The following SLC4A4 variants were observed in gnomAD, a reference collection of about 807,000 sequenced individuals.
SLC4A4 encodes solute carrier family 4 member 4, also known as electrogenic sodium bicarbonate cotransporter 1.
A neutral mutation model predicts 111.5 loss-of-function variants in SLC4A4; 27 were observed. The ratio of observed to expected loss-of-function variants is 0.24; its 90% CI spans 0.18 to 0.33. The LOEUF (loss-of-function observed/expected upper bound fraction) is 0.33. Ranked by LOEUF, SLC4A4 falls within the 10% of genes least tolerant of loss-of-function variation. The pLI, the probability that SLC4A4 is intolerant of heterozygous loss-of-function variation, is 1.00. For synonymous variants in SLC4A4, 443 were observed against 463.4 expected, an observed-to-expected ratio of 0.96 and a Z score of 0.57; for missense variants, 909 against 1,315.5, an observed-to-expected ratio of 0.69 and a Z score of 4.78.
intron 16 of SLC4A4, among the ~76,000 whole-genome samples, chr4:71,525,988 G>T (rs1291122942): frequency 6.6e-6 from 1 of 151,930 alleles, no homozygotes; most frequent in Non-Finnish European, 1.5e-5. Context: ...GGACTGAGAA[G>T]TCTTATTTAC....
At chr4:71,448,445 TC>T (rs1725455361) in intron 9 of SLC4A4, among the ~76,000 whole-genome samples, 1 of 152,156 alleles carries the variant, frequency 6.6e-6, no homozygotes. Context: ...AATGATGGGT[TC>T]TATAAAATAA....
intron 1 of SLC4A4, among the ~76,000 whole-genome samples, chr4:71,225,267 G>A (rs538833457): frequency 1.1e-3 from 165 of 151,994 alleles, no homozygotes; most frequent in African/African-American, 3.9e-3. Flanking sequence ...CAGGAGAATC[G>A]TTTGAACCCA....
At chr4:71,257,850 T>A (rs1241848935) in intron 3 of SLC4A4, among the ~76,000 whole-genome samples, 1 of 152,216 alleles carries the variant, frequency 6.6e-6, no homozygotes, top group Non-Finnish European at 1.5e-5. Flanking sequence ...TTTGATTCTT[T>A]CCTTGCTCTC....
chr4:71,320,507 T>C lies in SLC4A4; in HGVS notation c.254-18863T>C, dbSNP rs531909947. ...TAACTGAATCTCAGACACCCCACTT[T>C]GCTGAAGATTTTTCCTGCCCTTCTC... On this transcript the variant is annotated intron_variant, in intron 3 of 25. Transcript: ENST00000264485. 5.9e-5 allele frequency among the ~76,000 whole-genome samples: 9 copies of C among 152,160 alleles called. No individual in the cohort carries two copies. In the South Asian group the frequency reaches 1.7e-3, roughly 28 times the overall value.
At chr4:71,396,619 TG>T (rs1719841871) in intron 6 of SLC4A4, among the ~76,000 whole-genome samples, 1 of 152,200 alleles carries the variant, frequency 6.6e-6, no homozygotes, top group African/African-American at 2.4e-5. Context: ...TCAAACATCT[TG>T]GCTTTGAAAA....
intron 7 of SLC4A4, among the ~76,000 whole-genome samples, chr4:71,439,568 A>G (rs2149056187): frequency 6.7e-6 from 1 of 148,612 alleles, no homozygotes; most frequent in South Asian, 2.2e-4. Context: ...GATTTAACTG[A>G]TTCACTCTCC....
intron 2 of SLC4A4, among the ~76,000 whole-genome samples, chr4:71,104,874 G>A (rs1578483456): frequency 2.4e-5 from 1 of 42,262 alleles, no homozygotes; most frequent in Non-Finnish European, 5.1e-5. Flanking sequence ...AGACAGGGAT[G>A]CCCTCTCTCA....
At chr4:71,541,953 C>T (rs1735108022) in intron 18 of SLC4A4, among the ~76,000 whole-genome samples, 1 of 151,910 alleles carries the variant, frequency 6.6e-6, no homozygotes, top group South Asian at 2.1e-4. Flanking sequence ...ATTTTTATTC[C>T]ATTCAAATCT....
chr4:71,209,610 A>G (rs1030460911), intron 1 of SLC4A4, among the ~76,000 whole-genome samples: 2 of 152,170 alleles, frequency 1.3e-5, no homozygotes, highest in Admixed American at 6.5e-5. Flanking sequence ...GAGCATTTCA[A>G]TCTGTTAGTA....
Position 71,143,196 on chromosome 4 carries a change from G to T in SLC4A4, c.-2+50404G>T, listed in dbSNP as rs1291217797. On this transcript the variant is annotated intron_variant, in intron 2 of 26. Coordinates refer to the SLC4A4 transcript ENST00000649996. Reference sequence around the variant, plus strand: ...TCCCACCTATGAGTGAGAACATGCAGTGTTTGGTTTTTTGTCCTTGTGATA... The same window carrying T: ...TCCCACCTATGAGTGAGAACATGCATTGTTTGGTTTTTTGTCCTTGTGATA... Among the ~76,000 whole-genome samples the T allele has an allele frequency of 2.6e-5, 4 of 152,172 alleles. No homozygotes were observed. In the East Asian group the frequency reaches 7.7e-4, roughly 29 times the overall value.
chr4:71,425,015 G>A (rs569347604), intron 7 of SLC4A4, among the ~76,000 whole-genome samples: 1 of 151,938 alleles, frequency 6.6e-6, no homozygotes, highest in South Asian at 2.1e-4. Context: ...AGAATAAAAG[G>A]TAATAGCTGA....
intron 3 of SLC4A4, among the ~76,000 whole-genome samples, chr4:71,296,297 C>G (rs1724784060): frequency 6.6e-6 from 1 of 152,162 alleles, no homozygotes; most frequent in South Asian, 2.1e-4. Context: ...TTCATCTACT[C>G]TCTTCTCTTT....
intron 7 of SLC4A4, among the ~76,000 whole-genome samples, chr4:71,420,131 A>G (rs942389273): frequency 6.6e-6 from 1 of 152,232 alleles, no homozygotes; most frequent in Non-Finnish European, 1.5e-5. Flanking sequence ...CAATACAGAG[A>G]AGTACTTAAA....
intron 2 of SLC4A4, among the ~76,000 whole-genome samples, chr4:71,159,006 A>G (rs952555141): frequency 6.6e-6 from 1 of 152,220 alleles, no homozygotes; most frequent in Non-Finnish European, 1.5e-5. Context: ...TATTAAAAAT[A>G]TATGTTGTTT....
chr4:71,480,142 C>T (rs1728743216), intron 14 of SLC4A4, among the ~76,000 whole-genome samples: 1 of 151,274 alleles, frequency 6.6e-6, no homozygotes, highest in South Asian at 2.1e-4. Flanking sequence ...CCACCTCAGC[C>T]TCCTGAGTAG....
chr4:71,394,492 C>A (rs1488353795), intron 6 of SLC4A4, among the ~76,000 whole-genome samples: 3 of 151,998 alleles, frequency 2.0e-5, no homozygotes, highest in Non-Finnish European at 2.9e-5. Context: ...ATCAAAAAAT[C>A]AAAAAACAGT....
intron 6 of SLC4A4, among the ~76,000 whole-genome samples, chr4:71,391,319 A>G (rs767504122): frequency 4.6e-5 from 7 of 152,084 alleles, no homozygotes; most frequent in Admixed American, 1.3e-4. Flanking sequence ...TAGCTTGTCC[A>G]TGGGTTCTCT....
chr4:71,471,195 C>T lies in SLC4A4; in HGVS notation c.1632-1504C>T, dbSNP rs116145987. 4.1e-3 allele frequency among the ~76,000 whole-genome samples: 626 copies of T among 152,060 alleles called. 3 individuals are homozygous for T. The highest frequency in any genetic ancestry group is 0.015 in the African/African-American group (606 of 41,518). ...ACTGTCTCAGCCAAGTCTTAAGTTA[C>T]AGACATGCATTTATTCATCCTGCAA... On this transcript the variant is annotated intron_variant, in intron 13 of 25. Coordinates refer to ENST00000264485, the MANE Select transcript of SLC4A4 (RefSeq NM_001098484.3).
At chr4:71,091,313 C>T (rs1334417779) in intron 1 of SLC4A4, among the ~76,000 whole-genome samples, 2 of 146,356 alleles carry the variant, frequency 1.4e-5, no homozygotes, top group African/African-American at 5.1e-5. Context: ...AGTGCAGTGG[C>T]ATGATCTTGG....
Sources: gnomAD v4.1 joint callset for allele counts (sites outside exome capture counted in the v4.1 genomes callset) on GRCh38, gnomAD v4.1.1 for gene constraint, MANE v1.5 for transcripts, NCBI Gene and HGNC (gene_info 2026-07-23, HGNC 2026-07-21) for gene names.